Variants in SCHIP1 observed in about 807,000 individuals in gnomAD.
The protein encoded by SCHIP1 is schwannomin-interacting protein 1.
SCHIP1 carries 8 observed loss-of-function variants against 29.7 expected under a neutral mutation model. That is an observed-to-expected ratio of 0.27 (90% CI 0.16 to 0.49). SCHIP1 has a LOEUF of 0.49. SCHIP1 is among the 20% of genes least tolerant of loss of function. The pLI, the probability that SCHIP1 is intolerant of heterozygous loss-of-function variation, is 0.99. For missense variants in SCHIP1, 193 were observed against 294.6 expected, an observed-to-expected ratio of 0.66 and a Z score of 2.52; for synonymous variants, 76 against 94.9, an observed-to-expected ratio of 0.80 and a Z score of 1.16.
the SCHIP1 span, among the ~76,000 whole-genome samples, chr3:159,468,490 T>C: frequency 4.0e-5 from 6 of 151,898 alleles, no homozygotes; most frequent in Admixed American, 2.6e-4. Context: ...AAAGTACTCA[T>C]TAAAACGGTA....
chr3:159,813,934 G>A, the SCHIP1 span, among the ~76,000 whole-genome samples: 1 of 152,176 alleles, frequency 6.6e-6, no homozygotes, highest in African/African-American at 2.4e-5. Context: ...ATAGAAAACA[G>A]ACAACTATCC....
At chr3:159,405,305 C>T in the SCHIP1 span, among the ~76,000 whole-genome samples, 2 of 152,054 alleles carry the variant, frequency 1.3e-5, no homozygotes, top group African/African-American at 2.4e-5. Context: ...AAATAAGGTA[C>T]CAGGGACCAA....
the SCHIP1 span, among the ~76,000 whole-genome samples, chr3:159,477,863 A>G: frequency 2.0e-5 from 3 of 150,622 alleles, no homozygotes; most frequent in Non-Finnish European, 4.4e-5. Context: ...GATCTACATC[A>G]TGGAACTTTT....
the SCHIP1 span, among the ~76,000 whole-genome samples, chr3:159,304,505 C>T: frequency 3.3e-4 from 50 of 152,220 alleles, 1 homozygote; most frequent in South Asian, 1.0e-2. Context: ...ATATTTTTCC[C>T]ACAATCCAGC....
the SCHIP1 span, among the ~76,000 whole-genome samples, chr3:159,508,390 A>C: frequency 1.3e-4 from 20 of 151,806 alleles, no homozygotes; most frequent in African/African-American, 4.8e-4. Flanking sequence ...GTGGTCTATA[A>C]ATTTTGTTGA....
the SCHIP1 span, among the ~76,000 whole-genome samples, chr3:159,286,854 G>A: frequency 6.6e-6 from 1 of 152,086 alleles, no homozygotes; most frequent in Non-Finnish European, 1.5e-5. Flanking sequence ...ATGCTTGTTG[G>A]CCACATGTAT....
the SCHIP1 span, among the ~76,000 whole-genome samples, chr3:159,286,418 G>T: frequency 2.0e-5 from 3 of 152,090 alleles, no homozygotes; most frequent in Admixed American, 1.3e-4. Context: ...TCTTTTTGTG[G>T]CTGTTTAGTA....
At chr3:159,346,298 A>G in the SCHIP1 span, among the ~76,000 whole-genome samples, 10 of 140,442 alleles carry the variant, frequency 7.1e-5, no homozygotes, top group Non-Finnish European at 1.5e-4. Flanking sequence ...AAAAAAAAAA[A>G]GCAATACAAC....
At chr3:159,657,727 A>T in the SCHIP1 span, among the ~76,000 whole-genome samples, 1 of 152,322 alleles carries the variant, frequency 6.6e-6, no homozygotes, top group East Asian at 1.9e-4. Flanking sequence ...TCCAATTTTA[A>T]ATTAATAAGT....
intron 2 of SCHIP1, among the ~76,000 whole-genome samples, chr3:159,872,727 C>G (rs997603608): frequency 6.6e-6 from 1 of 152,186 alleles, no homozygotes; most frequent in Non-Finnish European, 1.5e-5. Flanking sequence ...AGAAATATCA[C>G]TTTATCCCTA....
the SCHIP1 span, among the ~76,000 whole-genome samples, chr3:159,302,324 C>T: frequency 6.8e-6 from 1 of 147,918 alleles, no homozygotes; most frequent in African/African-American, 2.6e-5. Context: ...ACTCATATTG[C>T]AATAAGTTTA....
the SCHIP1 span, among the ~76,000 whole-genome samples, chr3:159,545,979 A>G: frequency 2.0e-5 from 3 of 151,960 alleles, no homozygotes; most frequent in African/African-American, 7.2e-5. Context: ...GAGGTGTTAC[A>G]TATTTTATAA....
chr3:159,586,016 G>A, the SCHIP1 span, among the ~76,000 whole-genome samples: 1 of 151,996 alleles, frequency 6.6e-6, no homozygotes, highest in Non-Finnish European at 1.5e-5. Context: ...CAGGCTGGCT[G>A]TTACATTCAG....
At chr3:159,283,379 C>G in the SCHIP1 span, among the ~76,000 whole-genome samples, 2 of 152,196 alleles carry the variant, frequency 1.3e-5, no homozygotes, top group Non-Finnish European at 2.9e-5. Flanking sequence ...TCTCGAACTC[C>G]TGACCTCAGG....
the SCHIP1 span, among the ~76,000 whole-genome samples, chr3:159,496,458 A>T: frequency 2.0e-5 from 3 of 152,262 alleles, no homozygotes; most frequent in African/African-American, 7.2e-5. Flanking sequence ...ATGAACATAC[A>T]CTTCTCAAAA....
chr3:159,816,399 G>C, the SCHIP1 span, among the ~76,000 whole-genome samples: 1 of 151,930 alleles, frequency 6.6e-6, no homozygotes. Context: ...GGCTTCCAAA[G>C]TAGCTAAGAC....
At chr3:159,760,095 G>GGGGGGGGGGGGC in the SCHIP1 span, among the ~76,000 whole-genome samples, 1 of 102,468 alleles carries the variant, frequency 9.8e-6, no homozygotes. Context: ...GGGTGGGGGG[G>GGGGGGGGGGGGC]ATATACAGCA....
chr3:159,452,147 T>C, the SCHIP1 span, among the ~76,000 whole-genome samples: 1 of 152,230 alleles, frequency 6.6e-6, no homozygotes, highest in African/African-American at 2.4e-5. Flanking sequence ...CTTTTTTTTT[T>C]TTTTTTTAAG....
the SCHIP1 span, among the ~76,000 whole-genome samples, chr3:159,556,577 A>G: frequency 6.6e-6 from 1 of 152,118 alleles, no homozygotes; most frequent in South Asian, 2.1e-4. Context: ...ACCATGGAAC[A>G]CTATGCAGCC....
Sources: gnomAD v4.1 joint callset for allele counts (sites outside exome capture counted in the v4.1 genomes callset) on GRCh38, gnomAD v4.1.1 for gene constraint, MANE v1.5 for transcripts, NCBI Gene and HGNC (gene_info 2026-07-23, HGNC 2026-07-21) for gene names.